The following JMJD1C variants were observed in gnomAD, a reference collection of about 807,000 sequenced individuals.
The protein encoded by JMJD1C is jumonji domain-containing protein 1C.
Under a neutral mutation model 245.3 loss-of-function variants are expected in JMJD1C, and 31 were observed. That is an observed-to-expected ratio of 0.13 (90% CI 0.09 to 0.17). JMJD1C has a LOEUF of 0.17. Among genes scored for constraint, JMJD1C ranks in the 10% least tolerant of loss-of-function variants. The pLI, the probability that JMJD1C is intolerant of heterozygous loss-of-function variation, is 1.00. For synonymous variants in JMJD1C, 1,057 were observed against 1,017.4 expected, an observed-to-expected ratio of 1.04 and a Z score of -0.74; for missense variants, 2,691 against 3,000.2, an observed-to-expected ratio of 0.90 and a Z score of 2.41.
intron 3 of JMJD1C, among the ~76,000 whole-genome samples, chr10:63,226,437 G>C (rs1183622567): frequency 6.6e-6 from 1 of 152,128 alleles, no homozygotes; most frequent in African/African-American, 2.4e-5. Context: ...ATGGGGCCGG[G>C]TGCGGTGGCT....
At chr10:63,221,809 C>T (rs1589195056) in intron 3 of JMJD1C, among the ~76,000 whole-genome samples, 1 of 152,204 alleles carries the variant, frequency 6.6e-6, no homozygotes, top group African/African-American at 2.4e-5. Context: ...GCAACCTCCA[C>T]CTCCCAGGTT....
chr10:63,315,527 T>G (rs1408250555), intron 2 of JMJD1C, among the ~76,000 whole-genome samples: 1 of 152,162 alleles, frequency 6.6e-6, no homozygotes. Context: ...CTCTTCACTT[T>G]TGAAGGTTAT....
At chr10:63,515,918 T>C (rs1394997806) in intron 1 of JMJD1C, among the ~76,000 whole-genome samples, 1 of 152,238 alleles carries the variant, frequency 6.6e-6, no homozygotes, top group African/African-American at 2.4e-5. Context: ...ATCTTGTTTA[T>C]ATTGGTTTTG....
At chr10:63,324,038 C>CT (rs1941233839) in intron 2 of JMJD1C, among the ~76,000 whole-genome samples, 2 of 83,458 alleles carry the variant, frequency 2.4e-5, no homozygotes, top group Non-Finnish European at 2.7e-5. Context: ...CCTTCGTCTG[C>CT]CTTTTTTTTT....
chr10:63,373,775 T>C (rs1184332419), intron 2 of JMJD1C, among the ~76,000 whole-genome samples: 1 of 152,212 alleles, frequency 6.6e-6, no homozygotes. Flanking sequence ...TTCATTACGC[T>C]GTAGGAATTT....
chr10:63,307,805 C>T (rs1046540209), intron 2 of JMJD1C, among the ~76,000 whole-genome samples: 4 of 152,052 alleles, frequency 2.6e-5, no homozygotes, highest in Non-Finnish European at 5.9e-5. Context: ...GGTCTCAATA[C>T]AGAGAAAACC....
At position 63,197,529 on chromosome 10, in the gene JMJD1C, G is replaced by A; in HGVS notation, c.5526C>T (p.Val1842=). Residue 1842 remains valine, a synonymous_variant, in exon 13 of 26, where the codon GTC becomes GTT. Coordinates refer to ENST00000399262, the MANE Select transcript of JMJD1C (RefSeq NM_032776.3). Reference sequence around the variant, plus strand: ...CTTCACATGCATCACACATCTCCCGGACTCCTCTCACTGCTCTTTTCCAGG... The same window carrying A: ...CTTCACATGCATCACACATCTCCCGAACTCCTCTCACTGCTCTTTTCCAGG... The part of the protein sequence containing the change: ...KIAWKRAVRG[V]REMCDACEAT... 3 of 1,595,822 alleles carry A rather than the reference G, an allele frequency of 1.9e-6. No homozygotes were observed. Among genetic ancestry groups the A allele is most frequent in the Non-Finnish European group, 2.6e-6 (3 of 1,174,288 alleles).
At chr10:63,485,945 G>A (rs1953979456) in intron 1 of JMJD1C, among the ~76,000 whole-genome samples, 1 of 151,880 alleles carries the variant, frequency 6.6e-6, no homozygotes, top group African/African-American at 2.4e-5. Context: ...ATATAATTTA[G>A]TATCACAAAG....
chr10:63,518,278 C>T (rs984219723), intron 1 of JMJD1C, among the ~76,000 whole-genome samples: 7 of 152,188 alleles, frequency 4.6e-5, no homozygotes, highest in African/African-American at 1.7e-4. Flanking sequence ...TTCTCAACCA[C>T]ATCAGATTCA....
In JMJD1C at chr10:63,337,624, A is replaced by AAAAGAAAAGAAAAGGAAAAG. The variant is rs139374030; in HGVS notation, c.333+42693_333+42694insCTTTTCCTTTTCTTTTCTTT. ...AAAAGAAAAGAAAAGAAAAGAAAAG[A>AAAAGAAAAGAAAAGGAAAAG]AAAAGAAAAGAAAAAAAATCCGCTA... On this transcript the variant is annotated intron_variant, in intron 2 of 25. Transcript: ENST00000399262. Among the ~76,000 whole-genome samples, 3 of 60,194 alleles carry AAAAGAAAAGAAAAGGAAAAG rather than the reference A, an allele frequency of 5.0e-5. 1 individual carries two copies. Among genetic ancestry groups the AAAAGAAAAGAAAAGGAAAAG allele is most frequent in the Non-Finnish European group, 9.9e-5 (3 of 30,156 alleles). The allele number at this position is 60,194 out of a possible 152,430, so 39.5% of individuals were successfully genotyped here.
chr10:63,517,892 A>T (rs1363906141), intron 1 of JMJD1C, among the ~76,000 whole-genome samples: 1 of 146,924 alleles, frequency 6.8e-6, no homozygotes, highest in African/African-American at 2.5e-5. Flanking sequence ...TCCCAGGTTC[A>T]GGTGATTCTC....
intron 2 of JMJD1C, among the ~76,000 whole-genome samples, chr10:63,334,683 T>C (rs1435897405): frequency 6.8e-6 from 1 of 147,626 alleles, no homozygotes; most frequent in Non-Finnish European, 1.5e-5. Flanking sequence ...ATTGTGCCAA[T>C]GCCCCCCAGC....
At chr10:63,330,792 A>G (rs1284834237) in intron 2 of JMJD1C, among the ~76,000 whole-genome samples, 2 of 152,154 alleles carry the variant, frequency 1.3e-5, no homozygotes, top group African/African-American at 4.8e-5. Flanking sequence ...TCCTCTTTGT[A>G]TTTCTGAAAT....
At chr10:63,316,345 C>G (rs1361621728) in intron 2 of JMJD1C, among the ~76,000 whole-genome samples, 1 of 152,184 alleles carries the variant, frequency 6.6e-6, no homozygotes, top group African/African-American at 2.4e-5. Flanking sequence ...GCATTTTATA[C>G]TTGTCACTGC....
intron 2 of JMJD1C, among the ~76,000 whole-genome samples, chr10:63,314,792 C>G (rs963600563): frequency 6.6e-6 from 1 of 152,002 alleles, no homozygotes; most frequent in African/African-American, 2.4e-5. Flanking sequence ...GGATTATAGG[C>G]ATGCACCACT....
chr10:63,236,334 T>C (rs577036393), intron 3 of JMJD1C, among the ~76,000 whole-genome samples: 14 of 152,270 alleles, frequency 9.2e-5, no homozygotes, highest in African/African-American at 3.1e-4. Flanking sequence ...TAAGGTCCGC[T>C]CCTCTCAGAA....
Position 63,193,395 on chromosome 10 carries a change from T to C in JMJD1C, c.5812A>G (p.Lys1938Glu). ...GIKSHCHCTN[K>E]QNLQVGNFPT... The stretch of plus-strand genomic sequence containing the variant: ...AAATTTCCAACTTGTAAATTCTGTT[T>C]GTTAGTACAATGACAATGGGATTTA... The change falls in exon 15 of 26, where the codon AAA (lysine) becomes GAA (glutamate). Residue 1938 changes from lysine (K) to glutamate (E), a missense_variant. By Grantham distance (56) the Lys-to-Glu change is moderately conservative. Transcript: ENST00000399262. 1 of 1,604,086 alleles carries C rather than the reference T, an allele frequency of 6.2e-7. No homozygotes were observed. Among genetic ancestry groups the C allele is most frequent in the Non-Finnish European group, 8.5e-7 (1 of 1,173,134 alleles).
intron 2 of JMJD1C, among the ~76,000 whole-genome samples, chr10:63,330,668 T>C (rs1942045879): frequency 1.3e-5 from 2 of 152,164 alleles, no homozygotes; most frequent in Admixed American, 6.6e-5. Flanking sequence ...TTGTTTAGCC[T>C]ACCTATATCT....
intron 2 of JMJD1C, among the ~76,000 whole-genome samples, chr10:63,327,729 C>T (rs184708306): frequency 1.3e-5 from 2 of 151,768 alleles, no homozygotes; most frequent in East Asian, 2.0e-4. Flanking sequence ...AGGGCAATGG[C>T]GCAATCTTGG....
Sources: gnomAD v4.1 joint callset for allele counts (sites outside exome capture counted in the v4.1 genomes callset) on GRCh38, gnomAD v4.1.1 for gene constraint, MANE v1.5 for transcripts, NCBI Gene and HGNC (gene_info 2026-07-23, HGNC 2026-07-21) for gene names.